TMEM171: variants seen among roughly 807,000 people sequenced by gnomAD.
The protein encoded by TMEM171 is proline-rich protein PRP2.
Under a neutral mutation model 19.1 loss-of-function variants are expected in TMEM171, and 16 were observed. That is an observed-to-expected ratio of 0.84 (90% CI 0.57 to 1.27). TMEM171 has a LOEUF of 1.27. Ranked by LOEUF, TMEM171 falls within the 50% of genes most tolerant of loss-of-function variation. The pLI, the probability that TMEM171 is intolerant of heterozygous loss-of-function variation, is 0.00. For synonymous variants in TMEM171, 153 were observed against 163.4 expected, an observed-to-expected ratio of 0.94 and a Z score of 0.48; for missense variants, 429 against 412.7, an observed-to-expected ratio of 1.04 and a Z score of -0.34.
At chr5:73,121,181 T>C (rs929297907) in intron 1 of TMEM171, among the ~76,000 whole-genome samples, 2 of 152,178 alleles carry the variant, frequency 1.3e-5, no homozygotes, top group Non-Finnish European at 1.5e-5. Flanking sequence ...CGTCCACTAG[T>C]CCACGGACAA....
In TMEM171 at chr5:73,128,436, T is replaced by A. The variant is rs1443310859; in HGVS notation, c.687T>A (p.Pro229=). Residue 229 remains proline (P), a synonymous_variant, in exon 3 of 4, where the codon CCT becomes CCA. Coordinates refer to ENST00000454765, the MANE Select transcript of TMEM171 (RefSeq NM_173490.8). ...IFPPPPPPYF[P]ESSASAVAES... ...CACCCCCTCCACCACCTTACTTTCC[T>A]GAATCTTCAGCTTCTGCGGTCGCTG... 2 of 1,614,206 alleles carry A rather than the reference T, an allele frequency of 1.2e-6. No individual in the cohort carries two copies. Among genetic ancestry groups the A allele is most frequent in the African/African-American group, 1.3e-5 (1 of 75,056 alleles).
At chr5:73,129,449 A>G (rs1347709825) in intron 3 of TMEM171, among the ~76,000 whole-genome samples, 1 of 152,184 alleles carries the variant, frequency 6.6e-6, no homozygotes, top group African/African-American at 2.4e-5. Flanking sequence ...GTGTTTGCAA[A>G]GGGAGTAGTC....
In TMEM171 at chr5:73,120,714, G is replaced by A; in HGVS notation, c.-69+18G>A. 1 of 983,136 alleles carries A rather than the reference G, an allele frequency of 1.0e-6. No homozygotes were observed. The highest frequency in any genetic ancestry group is 1.2e-6 in the Non-Finnish European group (1 of 829,220). The allele number at this position is 983,136 out of a possible 1,614,324, so 60.9% of individuals were successfully genotyped here. A position where few individuals can be genotyped will look rare whatever the true frequency, so the allele number is the denominator to read the frequency against. ...AGCTTCAGGTAAGCTGCCCCGGCCC[G>A]CGCGCCTGCGCCGGCGGCGGCGGGT... is the stretch of plus-strand genomic sequence containing the variant. On this transcript the variant is annotated intron_variant, in intron 1 of 3. Coordinates refer to ENST00000454765, the MANE Select transcript of TMEM171 (RefSeq NM_173490.8).
intron 3 of TMEM171, among the ~76,000 whole-genome samples, chr5:73,129,869 G>A (rs1042619715): frequency 6.6e-6 from 1 of 152,160 alleles, no homozygotes; most frequent in African/African-American, 2.4e-5. Flanking sequence ...TTCAATATTC[G>A]CTCCTTCCCT....
intron 2 of TMEM171, among the ~76,000 whole-genome samples, chr5:73,127,384 A>AAATATATAT: frequency 4.9e-5 from 4 of 81,684 alleles, no homozygotes; most frequent in African/African-American, 6.6e-5. Context: ...AAAAAAAAAA[A>AAATATATAT]ATATATATAT....
chr5:73,127,104 A>C (rs1308262435), intron 2 of TMEM171, among the ~76,000 whole-genome samples: 1 of 152,094 alleles, frequency 6.6e-6, no homozygotes. Context: ...AATATGGCTT[A>C]CTGTCATTTG....
At chr5:73,131,398 A>T in intron 3 of TMEM171, 140 bp from the exon 4 acceptor site, 1 of 559,618 alleles carries the variant, frequency 1.8e-6, no homozygotes, top group Non-Finnish European at 2.9e-6. Flanking sequence ...TATGAAAAGT[A>T]GAGTGAGGGA....
At position 73,123,417 on chromosome 5, in the gene TMEM171, AC is replaced by A; in HGVS notation, c.45del (p.Asp15GlufsTer60). The A allele has an allele frequency of 1.2e-6, 2 of 1,614,208 alleles. No homozygotes were observed. Among genetic ancestry groups the A allele is most frequent in the Non-Finnish European group, 1.7e-6 (2 of 1,180,028 alleles). On this transcript the variant is annotated frameshift_variant, in exon 2 of 4. Transcript: ENST00000454765. LOFTEE classifies it high-confidence loss of function. ...GCTGAGCCAGATGGGGACCAGCAGG[AC>A]AGACACGTCAGCAAACTCATCTTCT... The part of the protein sequence containing the change: ...AAAEPDGDQQ[D>X]RHVSKLIFCF...
At position 73,128,454 on chromosome 5, in the gene TMEM171, G is replaced by C. The variant is rs142658267; in HGVS notation, c.705G>C (p.Ala235=). The part of the protein sequence containing the change: ...PPYFPESSAS[A]VAESPGTNSL... The stretch of plus-strand genomic sequence containing the variant: ...ACTTTCCTGAATCTTCAGCTTCTGC[G>C]GTCGCTGAGAGTCCTGGAACTAACA... The change falls in exon 3 of 4, where the codon GCG becomes GCC. Residue 235 remains alanine (A), a synonymous_variant. Coordinates refer to ENST00000454765, the MANE Select transcript of TMEM171 (RefSeq NM_173490.8). 3 of 1,613,844 alleles carry C rather than the reference G, an allele frequency of 1.9e-6. No individual in the cohort carries two copies. The African/African-American group carries it at 4.0e-5, about 22-fold the overall frequency.
intron 2 of TMEM171, among the ~76,000 whole-genome samples, chr5:73,127,407 A>ATATATATATATATATATATATATATAT (rs1364234564): frequency 3.1e-4 from 43 of 136,992 alleles, no homozygotes; most frequent in African/African-American, 5.1e-4. Flanking sequence ...ATATATATAT[A>ATATATATATATATATATATATATATAT]AAGCATAAAC....
At chr5:73,122,726 C>T (rs1321962730) in intron 1 of TMEM171, among the ~76,000 whole-genome samples, 1 of 152,218 alleles carries the variant, frequency 6.6e-6, no homozygotes, top group Admixed American at 6.5e-5. Context: ...ATAGAATCAA[C>T]TTAAAAGTCC....
intron 3 of TMEM171, among the ~76,000 whole-genome samples, chr5:73,129,989 G>A (rs1198373256): frequency 6.6e-6 from 1 of 152,210 alleles, no homozygotes; most frequent in Non-Finnish European, 1.5e-5. Context: ...GGTCTGGATG[G>A]AGAATGACAT....
chr5:73,121,321 C>CAAA (rs1744002705), intron 1 of TMEM171, among the ~76,000 whole-genome samples: 1 of 152,160 alleles, frequency 6.6e-6, no homozygotes, highest in Non-Finnish European at 1.5e-5. Flanking sequence ...TAGGACTTTG[C>CAAA]AGCCGAGAAT....
At chr5:73,129,932 C>G (rs1296880854) in intron 3 of TMEM171, among the ~76,000 whole-genome samples, 1 of 152,186 alleles carries the variant, frequency 6.6e-6, no homozygotes, top group Non-Finnish European at 1.5e-5. Flanking sequence ...TGCAGCGAGG[C>G]AGGCTCTAGT....
At chr5:73,125,756 G>T (rs1036067130) in intron 2 of TMEM171, among the ~76,000 whole-genome samples, 8 of 152,336 alleles carry the variant, frequency 5.3e-5, no homozygotes, top group Non-Finnish European at 1.2e-4. Context: ...CAGAGCTGTG[G>T]TGCTGCTCCT....
At chr5:73,129,735 G>A (rs1744283685) in intron 3 of TMEM171, among the ~76,000 whole-genome samples, 1 of 152,238 alleles carries the variant, frequency 6.6e-6, no homozygotes, top group South Asian at 2.1e-4. Flanking sequence ...TTAGATCATG[G>A]AGAGGTGTGA....
intron 3 of TMEM171, among the ~76,000 whole-genome samples, chr5:73,130,259 A>G (rs1308361224): frequency 6.6e-6 from 1 of 151,206 alleles, no homozygotes; most frequent in Non-Finnish European, 1.5e-5. Context: ...CTAGTGGGAG[A>G]CCCCCAGGAG....
chr5:73,128,442 T>A lies in TMEM171; in HGVS notation c.693T>A (p.Ser231=). The change falls in exon 3 of 4, where the codon TCT becomes TCA. Residue 231 remains serine (S), a synonymous_variant. Transcript: ENST00000454765. ...CTCCACCACCTTACTTTCCTGAATC[T>A]TCAGCTTCTGCGGTCGCTGAGAGTC... ...PPPPPPYFPE[S]SASAVAESPG... is the part of the protein sequence containing the mutation. The A allele has an allele frequency of 1.2e-6, 2 of 1,614,180 alleles. No homozygotes were observed. The highest frequency in any genetic ancestry group is 1.7e-6 in the Non-Finnish European group (2 of 1,180,046).
intron 2 of TMEM171, among the ~76,000 whole-genome samples, chr5:73,127,146 G>C (rs905875336): frequency 6.6e-6 from 1 of 151,870 alleles, no homozygotes; most frequent in African/African-American, 2.4e-5. Context: ...TGAGGAACAA[G>C]GCACTTTAGC....
Sources: allele counts gnomAD v4.1 joint callset (sites outside exome capture counted in the v4.1 genomes callset), GRCh38; gene constraint gnomAD v4.1.1; transcripts MANE v1.5; gene names NCBI Gene and HGNC (gene_info 2026-07-23, HGNC 2026-07-21).